Variants in ADGRB3 observed in about 807,000 individuals in gnomAD.
ADGRB3 encodes adhesion G protein-coupled receptor B3, also known as brain-specific angiogenesis inhibitor 3.
A neutral mutation model predicts 193.4 loss-of-function variants in ADGRB3; 37 were observed. The ratio of observed to expected loss-of-function variants is 0.19; its 90% CI spans 0.15 to 0.25. ADGRB3 has a LOEUF of 0.25. Ranked by LOEUF, ADGRB3 falls within the 10% of genes least tolerant of loss-of-function variation. The probability of loss-of-function intolerance (pLI) is 1.00; values close to 1 mark genes in which losing one functional copy is unlikely to be tolerated. For missense variants in ADGRB3, 1,637 were observed against 1,852.9 expected (o/e 0.88, Z 2.14); for synonymous variants, 690 against 644.2 (o/e 1.07, Z -1.08).
At chr6:69,211,416 TAATCCTA>T (rs1561954120) in intron 17 of ADGRB3, among the ~76,000 whole-genome samples, 1 of 152,192 alleles carries the variant, frequency 6.6e-6, no homozygotes, top group Non-Finnish European at 1.5e-5. Flanking sequence ...CTGCCAAACT[TAATCCTA>T]TATATCTTTA....
chr6:68,879,257 C>G (rs1280487498), intron 3 of ADGRB3, among the ~76,000 whole-genome samples: 2 of 146,484 alleles, frequency 1.4e-5, no homozygotes, highest in Non-Finnish European at 3.0e-5. Context: ...CGCTCTATCC[C>G]CCAGGCTGGA....
chr6:69,050,714 A>C (rs1192844810), intron 15 of ADGRB3, among the ~76,000 whole-genome samples: 2 of 152,204 alleles, frequency 1.3e-5, no homozygotes, highest in Non-Finnish European at 2.9e-5. Flanking sequence ...ACACTAACTT[A>C]AAATCAGGTG....
At chr6:68,687,154 A>T (rs1052381378) in intron 3 of ADGRB3, among the ~76,000 whole-genome samples, 1 of 152,034 alleles carries the variant, frequency 6.6e-6, no homozygotes, top group Admixed American at 6.6e-5. Flanking sequence ...TACATGTGGT[A>T]GAATTTCTAA....
At position 68,975,737 on chromosome 6, in the gene ADGRB3, G is replaced by A. The variant is rs139354896; in HGVS notation, c.1734+397G>A. Among the ~76,000 whole-genome samples, 1,179 of 152,222 alleles carry A rather than the reference G, an allele frequency of 7.7e-3. 15 individuals carry two copies. The highest frequency in any genetic ancestry group is 0.027 in the African/African-American group (1,112 of 41,530). Reference sequence around the variant, plus strand: ...TTTGCAGTAGTTGGACAGTGATAAAGCTGTGTCACTTAGCTATCAAATTTC... The same window carrying A: ...TTTGCAGTAGTTGGACAGTGATAAAACTGTGTCACTTAGCTATCAAATTTC... On this transcript the variant is annotated intron_variant, in intron 10 of 31. Coordinates refer to ENST00000370598, the MANE Select transcript of ADGRB3 (RefSeq NM_001704.3).
intron 3 of ADGRB3, among the ~76,000 whole-genome samples, chr6:68,658,517 TG>T (rs1680293881): frequency 6.6e-6 from 1 of 151,276 alleles, no homozygotes; most frequent in African/African-American, 2.4e-5. Context: ...CCAAGCCTAT[TG>T]CTCAAAGAAT....
At chr6:69,099,785 C>G (rs1772981379) in intron 17 of ADGRB3, among the ~76,000 whole-genome samples, 2 of 152,304 alleles carry the variant, frequency 1.3e-5, no homozygotes, top group Non-Finnish European at 2.9e-5. Flanking sequence ...TGGGGCAAGA[C>G]AGTCCAAGGG....
intron 3 of ADGRB3, among the ~76,000 whole-genome samples, chr6:68,918,472 C>CAGATACAAGTAAA (rs1481188273): frequency 6.6e-6 from 1 of 152,144 alleles, no homozygotes; most frequent in African/African-American, 2.4e-5. Flanking sequence ...ATGCAATACC[C>CAGATACAAGTAAA]AGATACAAGT....
At chr6:68,814,620 G>A (rs1025706344) in intron 3 of ADGRB3, among the ~76,000 whole-genome samples, 21 of 152,034 alleles carry the variant, frequency 1.4e-4, no homozygotes, top group Admixed American at 7.9e-4. Context: ...TGAAGTCCTT[G>A]CCCATGCCTA....
chr6:68,886,396 C>T (rs1214740650), intron 3 of ADGRB3, among the ~76,000 whole-genome samples: 2 of 151,938 alleles, frequency 1.3e-5, no homozygotes, highest in African/African-American at 4.8e-5. Flanking sequence ...CAATAATGAC[C>T]CCCATTAATG....
chr6:68,655,601 C>A (rs1391742219), intron 3 of ADGRB3, among the ~76,000 whole-genome samples: 1 of 151,646 alleles, frequency 6.6e-6, no homozygotes, highest in African/African-American at 2.4e-5. Context: ...TGTATTGCAT[C>A]TTTAATTCTT....
At chr6:69,088,420 T>TG (rs1772610662) in intron 17 of ADGRB3, among the ~76,000 whole-genome samples, 1 of 152,188 alleles carries the variant, frequency 6.6e-6, no homozygotes, top group African/African-American at 2.4e-5. Context: ...TCACCCAGGC[T>TG]GGAGTGCAGT....
At chr6:68,846,892 C>T (rs1054161993) in intron 3 of ADGRB3, among the ~76,000 whole-genome samples, 1 of 152,158 alleles carries the variant, frequency 6.6e-6, no homozygotes, top group Non-Finnish European at 1.5e-5. Context: ...GGTAGATCCG[C>T]TTGCACCATG....
chr6:69,232,599 G>T, intron 17 of ADGRB3: 1 of 1,535,688 alleles, frequency 6.5e-7, no homozygotes, highest in Non-Finnish European at 8.7e-7. Context: ...AGGCGAGCTG[G>T]ACTGAGTGAA....
chr6:68,639,069 C>T lies in ADGRB3; in HGVS notation c.394C>T (p.Arg132Ter). The change falls in exon 3 of 32, where the codon CGA (arginine) becomes TGA (stop). Residue 132 changes from arginine to a stop codon, truncating the protein, a stop_gained. Transcript: ENST00000370598. LOFTEE classifies it high-confidence loss of function. ...TGATAAAAATTTTATTCAAATACGT[C>T]GAGTATTTCCAACTAATTTCCCAGG... is the stretch of plus-strand genomic sequence containing the variant. ...QYDKNFIQIR[R>*]VFPTNFPGLQ... is the part of the protein sequence containing the mutation. 6.2e-7 allele frequency: 1 copy of T among 1,613,834 alleles called. No individual in the cohort carries two copies. The highest frequency in any genetic ancestry group is 8.5e-7 in the Non-Finnish European group (1 of 1,179,910).
intron 3 of ADGRB3, among the ~76,000 whole-genome samples, chr6:68,657,306 GGGCAAA>G: frequency 6.6e-6 from 1 of 151,410 alleles, no homozygotes; most frequent in South Asian, 2.1e-4. Flanking sequence ...TTTCTGTAGG[GGGCAAA>G]GGCTATATAT....
chr6:68,785,999 G>A (rs1483914294), intron 3 of ADGRB3, among the ~76,000 whole-genome samples: 1 of 151,558 alleles, frequency 6.6e-6, no homozygotes, highest in Non-Finnish European at 1.5e-5. Context: ...CTTTTTGATG[G>A]GGTTGTTTTT....
At chr6:69,264,604 C>T (rs1356847332) in intron 20 of ADGRB3, among the ~76,000 whole-genome samples, 1 of 151,686 alleles carries the variant, frequency 6.6e-6, no homozygotes. Context: ...TGATTATCCT[C>T]CTTGGACTCA....
intron 20 of ADGRB3, among the ~76,000 whole-genome samples, chr6:69,266,891 C>T (rs182124049): frequency 6.6e-6 from 1 of 152,074 alleles, no homozygotes; most frequent in South Asian, 2.1e-4. Flanking sequence ...AAATGATTAT[C>T]CTTGGCTACA....
At chr6:69,112,704 A>T (rs888369636) in intron 17 of ADGRB3, among the ~76,000 whole-genome samples, 1 of 152,200 alleles carries the variant, frequency 6.6e-6, no homozygotes, top group Non-Finnish European at 1.5e-5. Context: ...AAAACAATAT[A>T]GTATGACTAT....
Sources: allele counts gnomAD v4.1 joint callset (sites outside exome capture counted in the v4.1 genomes callset), GRCh38; gene constraint gnomAD v4.1.1; transcripts MANE v1.5; gene names NCBI Gene and HGNC (gene_info 2026-07-23, HGNC 2026-07-21).